The following DLGAP2 variants were observed in gnomAD, a reference collection of about 807,000 sequenced individuals.
DLGAP2 encodes DLG associated protein 2.
In DLGAP2, 26 loss-of-function variants were observed where a neutral mutation model predicts 100.3. The ratio of observed to expected loss-of-function variants is 0.26; its 90% CI spans 0.19 to 0.36. The LOEUF is 0.36. DLGAP2 is among the 10% of genes least tolerant of loss of function. The pLI, the probability that DLGAP2 is intolerant of heterozygous loss-of-function variation, is 1.00. For missense variants in DLGAP2, 1,858 were observed against 1,453.2 expected, an observed-to-expected ratio of 1.28 and a Z score of -4.53; for synonymous variants, 886 against 630.1, an observed-to-expected ratio of 1.41 and a Z score of -6.08.
chr8:1,422,065 G>A (rs1417245076), intron 3 of DLGAP2, among the ~76,000 whole-genome samples: 1 of 152,108 alleles, frequency 6.6e-6, no homozygotes, highest in African/African-American at 2.4e-5. Context: ...GCTAGGCACC[G>A]AGGGCGAGGC....
intron 2 of DLGAP2, among the ~76,000 whole-genome samples, chr8:1,180,829 C>T (rs1210214741): frequency 6.8e-6 from 1 of 146,818 alleles, no homozygotes; most frequent in Non-Finnish European, 1.5e-5. Flanking sequence ...GTGTGTGGTG[C>T]ACGTCCTGTG....
intron 2 of DLGAP2, among the ~76,000 whole-genome samples, chr8:911,289 G>C (rs746901073): frequency 1.3e-5 from 2 of 152,184 alleles, no homozygotes; most frequent in African/African-American, 2.4e-5. Context: ...TATGTTGGAA[G>C]GATGCTGGAG....
intron 3 of DLGAP2, among the ~76,000 whole-genome samples, chr8:1,312,009 A>C (rs1800625013): frequency 6.6e-6 from 1 of 152,226 alleles, no homozygotes; most frequent in Admixed American, 6.5e-5. Context: ...AGAAATTCAG[A>C]AATTCAGCAA....
chr8:1,578,109 T>G (rs540792093), intron 6 of DLGAP2, among the ~76,000 whole-genome samples: 6 of 152,336 alleles, frequency 3.9e-5, no homozygotes, highest in African/African-American at 9.6e-5. Context: ...GCACTGAGTG[T>G]TTTTCTCTTT....
intron 2 of DLGAP2, among the ~76,000 whole-genome samples, chr8:1,085,622 T>C (rs1306127807): frequency 1.3e-5 from 2 of 152,224 alleles, no homozygotes; most frequent in African/African-American, 4.8e-5. Flanking sequence ...GTTCCATTCG[T>C]TGATGTGCAT....
At chr8:1,652,261 C>T (rs1448419346) in intron 8 of DLGAP2, among the ~76,000 whole-genome samples, 1 of 152,106 alleles carries the variant, frequency 6.6e-6, no homozygotes. Context: ...TGTGTGAGCC[C>T]ACCACGTTCC....
intron 1 of DLGAP2, among the ~76,000 whole-genome samples, chr8:810,211 C>G (rs1045928272): frequency 2.0e-5 from 3 of 152,238 alleles, no homozygotes; most frequent in Non-Finnish European, 4.4e-5. Context: ...CACTTCTAAT[C>G]TTTGCAGCTT....
At chr8:874,467 T>G (rs530157516) in intron 1 of DLGAP2, among the ~76,000 whole-genome samples, 1 of 152,322 alleles carries the variant, frequency 6.6e-6, no homozygotes, top group Admixed American at 6.5e-5. Context: ...TCCCATTGGT[T>G]ATTTGGGAGT....
rs1232576818 is a variant in DLGAP2 at position 1,238,352 on chromosome 8, C to T, written c.74-20499C>T. On this transcript the variant is annotated intron_variant, in intron 2 of 14. Coordinates refer to ENST00000637795, the MANE Select transcript of DLGAP2 (RefSeq NM_001346810.2). ...TCTAGTTCTCTCTCACACAGAGCAT[C>T]GTGTCTAGTTCTCTCACGTGGCGCC... is the stretch of plus-strand genomic sequence containing the variant. 7.0e-4 allele frequency among the ~76,000 whole-genome samples: 9 copies of T among 12,846 alleles called. 2 individuals are homozygous for T. Among genetic ancestry groups the T allele is most frequent in the East Asian group, 6.6e-3 (6 of 910 alleles). The allele number at this position is 12,846 out of a possible 152,430, so 8.4% of individuals were successfully genotyped here.
chr8:997,411 G>T (rs1314260096), intron 2 of DLGAP2, among the ~76,000 whole-genome samples: 2 of 152,088 alleles, frequency 1.3e-5, no homozygotes, highest in East Asian at 3.8e-4. Context: ...AGATACACAT[G>T]TTATAAGACA....
intron 1 of DLGAP2, among the ~76,000 whole-genome samples, chr8:819,666 A>C (rs537556506): frequency 1.3e-5 from 2 of 152,348 alleles, no homozygotes; most frequent in African/African-American, 4.8e-5. Flanking sequence ...ATGACAGAGT[A>C]GTGGAAAAGT....
chr8:1,143,578 G>C (rs1051198607), intron 2 of DLGAP2, among the ~76,000 whole-genome samples: 5 of 152,162 alleles, frequency 3.3e-5, no homozygotes, highest in African/African-American at 9.7e-5. Context: ...ACTCAGCCCC[G>C]GGCTCTCCAG....
chr8:851,154 T>C (rs975849051), intron 1 of DLGAP2, among the ~76,000 whole-genome samples: 1 of 152,242 alleles, frequency 6.6e-6, no homozygotes, highest in Non-Finnish European at 1.5e-5. Flanking sequence ...AAGTGCCATG[T>C]GTTACAGTTG....
intron 2 of DLGAP2, among the ~76,000 whole-genome samples, chr8:1,141,835 T>C (rs1010643907): frequency 6.6e-6 from 1 of 152,204 alleles, no homozygotes; most frequent in Non-Finnish European, 1.5e-5. Flanking sequence ...AAAAGCTTGA[T>C]GCTTATGTTT....
At chr8:794,248 G>A (rs1039425611) in intron 1 of DLGAP2, among the ~76,000 whole-genome samples, 3 of 152,062 alleles carry the variant, frequency 2.0e-5, no homozygotes, top group African/African-American at 4.8e-5. Flanking sequence ...GAGTGAGGTC[G>A]GGATGAGCTG....
In DLGAP2 at chr8:1,282,155, A is replaced by C. The variant is rs1240469194; in HGVS notation, c.106+23272A>C. ...GTGACCTGAACCCAGCGCATGTACC[A>C]TCCAGACGTGGTGTGACCTGAACCC... On this transcript the variant is annotated intron_variant, in intron 3 of 14. Transcript: ENST00000637795. Among the ~76,000 whole-genome samples, 7 of 144,900 alleles carry C rather than the reference A, an allele frequency of 4.8e-5. No individual in the cohort carries two copies. In the South Asian group the frequency reaches 1.1e-3, roughly 23 times the overall value.
At chr8:1,173,899 C>T (rs1370356958) in intron 2 of DLGAP2, among the ~76,000 whole-genome samples, 1 of 152,218 alleles carries the variant, frequency 6.6e-6, no homozygotes, top group East Asian at 1.9e-4. Context: ...GACCTGCGCC[C>T]ACCTCTGGCA....
chr8:1,696,618 C>T (rs1189272516), intron 13 of DLGAP2, among the ~76,000 whole-genome samples: 2 of 152,258 alleles, frequency 1.3e-5, no homozygotes, highest in African/African-American at 4.8e-5. Context: ...GCAGCGTCAC[C>T]TGTGCCTCCT....
chr8:1,570,446 A>G (rs944806518), intron 6 of DLGAP2, among the ~76,000 whole-genome samples: 2 of 152,244 alleles, frequency 1.3e-5, no homozygotes, highest in African/African-American at 4.8e-5. Context: ...GTGAATATTC[A>G]TATCCCAAAC....
Sources: gnomAD v4.1 joint callset for allele counts (sites outside exome capture counted in the v4.1 genomes callset) on GRCh38, gnomAD v4.1.1 for gene constraint, MANE v1.5 for transcripts, NCBI Gene and HGNC (gene_info 2026-07-23, HGNC 2026-07-21) for gene names.